SPAG16: variants seen among roughly 807,000 people sequenced by gnomAD.
SPAG16 encodes sperm-associated antigen 16 protein.
SPAG16 carries 86 observed loss-of-function variants against 80.4 expected under a neutral mutation model. The observed-to-expected ratio is 1.07, with a 90% confidence interval of 0.90 to 1.28. SPAG16 has a LOEUF of 1.28. SPAG16 is among the 50% of genes most tolerant of loss of function. SPAG16 has a pLI of 0.00. For missense variants in SPAG16, 870 were observed against 765.3 expected (o/e 1.14, Z -1.61); for synonymous variants, 294 against 265.9 (o/e 1.11, Z -1.03).
chr2:214,223,763 C>T (rs1011719561), intron 15 of SPAG16, among the ~76,000 whole-genome samples: 4 of 152,012 alleles, frequency 2.6e-5, no homozygotes, highest in Non-Finnish European at 5.9e-5. Context: ...AGAGATGATT[C>T]CTGCCTTTAA....
intron 10 of SPAG16, among the ~76,000 whole-genome samples, chr2:213,635,177 G>A (rs1373162036): frequency 1.3e-5 from 2 of 151,750 alleles, no homozygotes; most frequent in Non-Finnish European, 2.9e-5. Flanking sequence ...TGGGAATACA[G>A]GTGCCCGCCA....
intron 13 of SPAG16, among the ~76,000 whole-genome samples, chr2:214,073,072 T>C (rs185066655): frequency 5.6e-4 from 86 of 152,226 alleles, no homozygotes; most frequent in African/African-American, 2.0e-3. Flanking sequence ...AAAAGATACC[T>C]TGCAGTCCTA....
intron 12 of SPAG16, among the ~76,000 whole-genome samples, chr2:213,953,240 A>C (rs998535426): frequency 5.9e-5 from 9 of 152,116 alleles, no homozygotes; most frequent in African/African-American, 1.9e-4. Context: ...AATCTGAAAT[A>C]AAGATTACTT....
rs1165853142 is a variant in SPAG16, at chr2:213,859,178, C to CAAAAAAAAAAAAAAA, written c.1071-3283_1071-3269dup. ...TGGGCAACAGAGCGACACTCCGTCT[C>CAAAAAAAAAAAAAAA]AAAAAAAAAAAAAAAAAAAAAAAAA... On this transcript the variant is annotated intron_variant, in intron 10 of 15. Transcript: ENST00000331683. 3.7e-3 allele frequency among the ~76,000 whole-genome samples: 35 copies of CAAAAAAAAAAAAAAA among 9,374 alleles called. 14 individuals are homozygous for CAAAAAAAAAAAAAAA. The highest frequency in any genetic ancestry group is 7.8e-3 in the East Asian group (2 of 256). The allele number at this position is 9,374 out of a possible 152,430, so 6.1% of individuals were successfully genotyped here. A position where few individuals can be genotyped will look rare whatever the true frequency, so the allele number is the denominator to read the frequency against.
intron 9 of SPAG16, among the ~76,000 whole-genome samples, chr2:213,410,795 G>A (rs1559105250): frequency 1.3e-5 from 2 of 152,244 alleles, no homozygotes; most frequent in South Asian, 4.2e-4. Flanking sequence ...TCCTCCAGTC[G>A]ACCAGGCATG....
chr2:213,524,133 T>C (rs2075791421), intron 10 of SPAG16, among the ~76,000 whole-genome samples: 2 of 152,172 alleles, frequency 1.3e-5, no homozygotes, highest in Admixed American at 1.3e-4. Flanking sequence ...TGGTGCCTTG[T>C]GTCCCAGCTG....
At chr2:213,564,408 T>C (rs1434281715) in intron 10 of SPAG16, among the ~76,000 whole-genome samples, 1 of 149,636 alleles carries the variant, frequency 6.7e-6, no homozygotes, top group Non-Finnish European at 1.5e-5. Context: ...GGCAGGAGAA[T>C]CACTTGAACC....
At chr2:213,329,842 A>G (rs1011009291) in intron 5 of SPAG16, among the ~76,000 whole-genome samples, 12 of 152,206 alleles carry the variant, frequency 7.9e-5, no homozygotes, top group Admixed American at 4.6e-4. Flanking sequence ...GGCTGGGCCT[A>G]GGGTCCCTCT....
At chr2:214,257,331 G>A (rs1332566323) in intron 15 of SPAG16, among the ~76,000 whole-genome samples, 2 of 151,904 alleles carry the variant, frequency 1.3e-5, no homozygotes, top group African/African-American at 4.8e-5. Flanking sequence ...GTATCTGCAA[G>A]CAGAATTTTC....
At chr2:214,379,905 C>A (rs547197950) in intron 15 of SPAG16, among the ~76,000 whole-genome samples, 9 of 152,310 alleles carry the variant, frequency 5.9e-5, no homozygotes, top group African/African-American at 2.2e-4. Flanking sequence ...ACACACAAAT[C>A]ACCCCAACTC....
intron 14 of SPAG16, among the ~76,000 whole-genome samples, chr2:214,110,079 C>T (rs2053587302): frequency 6.6e-6 from 1 of 152,038 alleles, no homozygotes; most frequent in African/African-American, 2.4e-5. Context: ...ACATTAATTT[C>T]CCATATTTCA....
At chr2:213,637,788 C>A (rs1202389880) in intron 10 of SPAG16, among the ~76,000 whole-genome samples, 2 of 152,134 alleles carry the variant, frequency 1.3e-5, no homozygotes, top group Admixed American at 6.6e-5. Flanking sequence ...GATGAAGTCT[C>A]ACTCTGTTGC....
At chr2:214,271,926 C>T (rs1435621518) in intron 15 of SPAG16, among the ~76,000 whole-genome samples, 1 of 149,592 alleles carries the variant, frequency 6.7e-6, no homozygotes, top group Non-Finnish European at 1.5e-5. Flanking sequence ...CTTAACAGAT[C>T]TAGAGGTTAA....
At chr2:213,880,735 C>A (rs1295747075) in intron 11 of SPAG16, among the ~76,000 whole-genome samples, 2 of 152,148 alleles carry the variant, frequency 1.3e-5, no homozygotes, top group Non-Finnish European at 2.9e-5. Flanking sequence ...CATAGAGAGT[C>A]CTTTCCCCAT....
chr2:213,388,353 C>A (rs1456580771), intron 9 of SPAG16, among the ~76,000 whole-genome samples: 2 of 152,166 alleles, frequency 1.3e-5, no homozygotes, highest in Non-Finnish European at 2.9e-5. Flanking sequence ...TTTCCAGGGA[C>A]TTAAAGGGCC....
intron 7 of SPAG16, among the ~76,000 whole-genome samples, chr2:213,359,947 T>C (rs1247032340): frequency 6.6e-6 from 1 of 152,154 alleles, no homozygotes; most frequent in Non-Finnish European, 1.5e-5. Context: ...TTTCTTGATA[T>C]CTAATATGGA....
chr2:213,949,058 C>G (rs1299893155), intron 12 of SPAG16, among the ~76,000 whole-genome samples: 2 of 150,402 alleles, frequency 1.3e-5, no homozygotes, highest in African/African-American at 4.9e-5. Context: ...TTTTTACAAA[C>G]AGTAATGTAT....
chr2:213,958,174 C>G (rs2044242428), intron 12 of SPAG16, among the ~76,000 whole-genome samples: 2 of 152,138 alleles, frequency 1.3e-5, no homozygotes, highest in South Asian at 4.1e-4. Flanking sequence ...GAGTGTGACC[C>G]AGTTTGGTTT....
intron 13 of SPAG16, among the ~76,000 whole-genome samples, chr2:214,088,243 GT>G (rs2051916660): frequency 6.6e-6 from 1 of 151,730 alleles, no homozygotes; most frequent in South Asian, 2.1e-4. Flanking sequence ...TGTTATGGAA[GT>G]CTGTAAACAA....
Sources: allele counts gnomAD v4.1 joint callset (sites outside exome capture counted in the v4.1 genomes callset), GRCh38; gene constraint gnomAD v4.1.1; transcripts MANE v1.5; gene names NCBI Gene and HGNC (gene_info 2026-07-23, HGNC 2026-07-21).